Variants in DGUOK observed in about 807,000 individuals in gnomAD.
DGUOK encodes deoxyguanosine kinase, mitochondrial.
A neutral mutation model predicts 36.6 loss-of-function variants in DGUOK; 30 were observed. That is an observed-to-expected ratio of 0.82 (90% confidence interval 0.61 to 1.11). DGUOK has a LOEUF of 1.11. Ranked by LOEUF, DGUOK falls within the 50% of genes most tolerant of loss-of-function variation. DGUOK has a pLI of 0.00. For missense variants in DGUOK, 361 were observed against 336.4 expected (o/e 1.07, Z -0.57); for synonymous variants, 145 against 126.3 (o/e 1.15, Z -0.99).
Position 73,950,873 on chromosome 2 carries a change from C to T in DGUOK, c.591+141C>T, listed in dbSNP as rs1573560293. 3 of 1,158,946 alleles carry T rather than the reference C, an allele frequency of 2.6e-6. No homozygotes were observed. In the East Asian group the frequency reaches 7.0e-5, roughly 27 times the overall value. The allele number at this position is 1,158,946 out of a possible 1,614,324, so 71.8% of individuals were successfully genotyped here. Reference sequence around the variant, plus strand: ...ACAGAGAGCAGTGGGGGACACCCTCCTGTCCCAGCGTTGAGCACCCTGTTC... The same window carrying T: ...ACAGAGAGCAGTGGGGGACACCCTCTTGTCCCAGCGTTGAGCACCCTGTTC... On this transcript the variant is annotated intron_variant, in intron 4 of 6. Transcript: ENST00000264093.
chr2:73,946,603 T>G, intron 2 of DGUOK, 116 bp from the exon 3 acceptor site: 2 of 950,154 alleles, frequency 2.1e-6, no homozygotes, highest in Admixed American at 2.1e-5. Flanking sequence ...TTGTAATTTC[T>G]TCTTTCATTG....
At chr2:73,935,876 G>A (rs1402044025) in intron 1 of DGUOK, among the ~76,000 whole-genome samples, 2 of 152,124 alleles carry the variant, frequency 1.3e-5, no homozygotes, top group Non-Finnish European at 2.9e-5. Context: ...TAATTTGTTG[G>A]CATTCTAGAA....
In DGUOK at chr2:73,957,031, T is replaced by G. The variant is rs1269624600; in HGVS notation, c.592-94T>G. ...AAGGCATGGCTTGTAATGCCCAAGA[T>G]AGACATTATGGGTGGGCCTCAGAGC... On this transcript the variant is annotated intron_variant, in intron 4 of 6. Transcript: ENST00000264093. 3.7e-6 allele frequency: 3 copies of G among 819,444 alleles called. No homozygotes were observed. In the East Asian group the frequency reaches 7.5e-5, roughly 21 times the overall value. The allele number at this position is 819,444 out of a possible 1,614,324, so 50.8% of individuals were successfully genotyped here.
intron 1 of DGUOK, chr2:73,932,528 A>G (rs1317094555): frequency 1.1e-6 from 1 of 921,024 alleles, no homozygotes; most frequent in South Asian, 1.4e-5. Flanking sequence ...GAAGTTAGGC[A>G]TTGGTACCCA....
chr2:73,936,987 C>T (rs753521808), intron 1 of DGUOK, among the ~76,000 whole-genome samples: 31 of 152,112 alleles, frequency 2.0e-4, no homozygotes, highest in Non-Finnish European at 2.8e-4. Flanking sequence ...GGAGAGGAGG[C>T]GCTTCAGGAA....
chr2:73,946,950 T>G, intron 3 of DGUOK, 44 bp downstream of exon 3: 1 of 1,545,580 alleles, frequency 6.5e-7, no homozygotes, highest in Non-Finnish European at 8.9e-7. Context: ...CCATGCTCAG[T>G]GCTGCCTGTT....
rs536131163 is a variant in DGUOK, at chr2:73,958,865, C to G, written c.*129C>G. 5.3e-4 allele frequency: 420 copies of G among 786,192 alleles called. No homozygotes were observed. The highest frequency in any genetic ancestry group is 6.9e-4 in the Non-Finnish European group (312 of 450,146). The allele number at this position is 786,192 out of a possible 1,614,324, so 48.7% of individuals were successfully genotyped here. ...CCTGGAGCACTCTGCCGCTCAAGAG[C>G]TGGTTTGTTAATTATTGTTAGACTT... On this transcript the variant is annotated 3_prime_UTR_variant, in exon 7 of 7. Transcript: ENST00000264093.
intron 1 of DGUOK, among the ~76,000 whole-genome samples, chr2:73,930,881 C>T (rs972322000): frequency 2.7e-4 from 40 of 149,554 alleles, no homozygotes; most frequent in Admixed American, 2.1e-3. Context: ...CTGCAGCCTC[C>T]GCCTCCCAGG....
chr2:73,939,070 C>G (rs760174661), intron 2 of DGUOK, 48 bp downstream of exon 2: 4 of 1,223,894 alleles, frequency 3.3e-6, no homozygotes, highest in Middle Eastern at 1.9e-4. Context: ...GGTGAATAAT[C>G]TAATTGTCAT....
intron 4 of DGUOK, among the ~76,000 whole-genome samples, chr2:73,953,970 G>A (rs1005990392): frequency 2.0e-5 from 3 of 151,840 alleles, no homozygotes; most frequent in Non-Finnish European, 4.4e-5. Context: ...CGCCCGCCTC[G>A]GCCTCCCAAA....
At chr2:73,953,111 G>A (rs969222428) in intron 4 of DGUOK, among the ~76,000 whole-genome samples, 1 of 152,028 alleles carries the variant, frequency 6.6e-6, no homozygotes, top group Non-Finnish European at 1.5e-5. Flanking sequence ...TCATTCCGGC[G>A]AGAATTAACC....
At chr2:73,942,056 C>T (rs1213792590) in intron 2 of DGUOK, among the ~76,000 whole-genome samples, 1 of 151,814 alleles carries the variant, frequency 6.6e-6, no homozygotes, top group Non-Finnish European at 1.5e-5. Context: ...ATTACAGGTG[C>T]CTGCCACCAC....
intron 2 of DGUOK, among the ~76,000 whole-genome samples, 163 bp downstream of exon 2, chr2:73,939,185 G>T (rs903141205): frequency 1.3e-5 from 2 of 152,146 alleles, no homozygotes; most frequent in Non-Finnish European, 2.9e-5. Flanking sequence ...GATATGACTT[G>T]TTTGAATATG....
chr2:73,930,851 A>G (rs1680974115), intron 1 of DGUOK, among the ~76,000 whole-genome samples: 1 of 123,588 alleles, frequency 8.1e-6, no homozygotes, highest in Admixed American at 1.1e-4. Flanking sequence ...GCTGCAGTGC[A>G]GTGGTGTGAT....
At chr2:73,951,067 C>T (rs182520654) in intron 4 of DGUOK, among the ~76,000 whole-genome samples, 109 of 152,242 alleles carry the variant, frequency 7.2e-4, no homozygotes, top group African/African-American at 2.6e-3. Flanking sequence ...CTCCTTTACT[C>T]TGACTGGGTC....
At chr2:73,935,174 G>T (rs1255844532) in intron 1 of DGUOK, among the ~76,000 whole-genome samples, 2 of 152,218 alleles carry the variant, frequency 1.3e-5, no homozygotes, top group African/African-American at 4.8e-5. Flanking sequence ...CCAGGAGGCA[G>T]AGGTTGCTGT....
rs115563434 is a variant in DGUOK at position 73,937,970 on chromosome 2, T to C, written c.143-940T>C. On this transcript the variant is annotated intron_variant, in intron 1 of 6. Coordinates refer to ENST00000264093, the MANE Select transcript of DGUOK (RefSeq NM_080916.3). ...CTTCTAAAAATGAGAAGGAGTCTTA[T>C]AATTTTCCTACTTAAAACCAATCTT... Among the ~76,000 whole-genome samples, 1,310 of 152,308 alleles carry C rather than the reference T, an allele frequency of 8.6e-3. 20 individuals are homozygous for C. Among genetic ancestry groups the C allele is most frequent in the African/African-American group, 0.03 (1,249 of 41,566 alleles).
At chr2:73,944,072 T>C (rs749065890) in intron 2 of DGUOK, among the ~76,000 whole-genome samples, 10 of 152,204 alleles carry the variant, frequency 6.6e-5, no homozygotes, top group Non-Finnish European at 1.0e-4. Context: ...GCCTTTTGGC[T>C]AAGATCAAGT....
At chr2:73,958,022 A>G (rs1392894276) in intron 5 of DGUOK, 124 bp from the exon 6 acceptor site, 2 of 743,190 alleles carry the variant, frequency 2.7e-6, no homozygotes, top group African/African-American at 3.5e-5. Context: ...GTTTACATGC[A>G]GTTTCTTTGA....
Sources: allele counts gnomAD v4.1 joint callset (sites outside exome capture counted in the v4.1 genomes callset), GRCh38; gene constraint gnomAD v4.1.1; transcripts MANE v1.5; gene names NCBI Gene and HGNC (gene_info 2026-07-23, HGNC 2026-07-21).